Variants in COL28A1 observed in about 807,000 individuals in gnomAD.
The protein encoded by COL28A1 is collagen type XXVIII alpha 1 chain, also known as collagen alpha-1(XXVIII) chain.
Under a neutral mutation model 150.2 loss-of-function variants are expected in COL28A1, and 161 were observed. The observed-to-expected ratio is 1.07, with a 90% CI of 0.94 to 1.22. COL28A1 has a LOEUF of 1.22. COL28A1 is among the 50% of genes most tolerant of loss of function. The pLI is 0.00. For missense variants in COL28A1, 1,617 were observed against 1,388.3 expected, an observed-to-expected ratio of 1.16 and a Z score of -2.62; for synonymous variants, 552 against 469.7, an observed-to-expected ratio of 1.18 and a Z score of -2.26.
At chr7:7,357,531 T>C (rs576752573), downstream of COL28A1, 19 of 152,122 alleles carry the variant, frequency 1.2e-4, no homozygotes, top group African/African-American at 4.6e-4. Context: ...TGGTGGCGCA[T>C]GCTTGTAATC....
At chr7:7,391,227 G>C (rs143389415) in intron 27 of COL28A1, among the ~76,000 whole-genome samples, 6,134 of 152,020 alleles carry the variant, frequency 0.04, 411 homozygotes, top group African/African-American at 0.14. Flanking sequence ...CCTTAATTTC[G>C]TTATTTACCC....
intron 27 of COL28A1, among the ~76,000 whole-genome samples, chr7:7,399,451 T>C (rs1365216421): frequency 1.3e-5 from 2 of 152,178 alleles, no homozygotes; most frequent in Non-Finnish European, 2.9e-5. Context: ...CCTTTCTACC[T>C]TCAGAGTGCC....
chr7:7,432,437 T>C, intron 25 of COL28A1, 36 bp downstream of exon 25: 3 of 1,588,972 alleles, frequency 1.9e-6, no homozygotes, highest in South Asian at 2.2e-5. Flanking sequence ...AGGTGCACTC[T>C]TAGAAGCTAG....
chr7:7,353,348 C>T (rs991758692), downstream of COL28A1, among the ~76,000 whole-genome samples: 8 of 152,210 alleles, frequency 5.3e-5, no homozygotes, highest in African/African-American at 1.9e-4. Flanking sequence ...TCTCTTCAGA[C>T]CTTCAACTTG....
At position 7,388,516 on chromosome 7, in the gene COL28A1, T is replaced by C. The variant is rs184698064; in HGVS notation, c.2137-6904A>G. Among the ~76,000 whole-genome samples, 1,219 of 152,312 alleles carry C rather than the reference T, an allele frequency of 8.0e-3. 25 individuals are homozygous for C. Among genetic ancestry groups the C allele is most frequent in the African/African-American group, 0.028 (1,167 of 41,538 alleles). On this transcript the variant is annotated intron_variant, in intron 27 of 34. Coordinates refer to ENST00000399429, the MANE Select transcript of COL28A1 (RefSeq NM_001037763.3). Reference sequence around the variant, plus strand: ...AGAATGATTTATAATCCCTTGGGTATATACCCAGTAATGGGATTGCTGGGT... The same window carrying C: ...AGAATGATTTATAATCCCTTGGGTACATACCCAGTAATGGGATTGCTGGGT...
At chr7:7,371,237 C>T (rs115610547) in intron 32 of COL28A1, among the ~76,000 whole-genome samples, 3,209 of 152,308 alleles carry the variant, frequency 0.021, 122 homozygotes, top group African/African-American at 0.072. Flanking sequence ...ATATTCTTTA[C>T]AGGCTGTAAC....
chr7:7,412,980 T>C (rs1783870336), intron 27 of COL28A1, among the ~76,000 whole-genome samples: 1 of 152,086 alleles, frequency 6.6e-6, no homozygotes, highest in Non-Finnish European at 1.5e-5. Context: ...CCTCATTCTC[T>C]TTCCCTTACA....
At chr7:7,515,755 T>C (rs1041157163) in intron 8 of COL28A1, 59 bp downstream of exon 8, 2 of 827,880 alleles carry the variant, frequency 2.4e-6, no homozygotes, top group African/African-American at 1.7e-5. Context: ...CTAAGTACAC[T>C]TATGTTTCTG....
chr7:7,485,292 T>C (rs928087634), intron 13 of COL28A1, among the ~76,000 whole-genome samples: 1 of 152,344 alleles, frequency 6.6e-6, no homozygotes, highest in African/African-American at 2.4e-5. Flanking sequence ...ATTTGATATT[T>C]TGCCCAATTT....
chr7:7,521,977 A>T lies in COL28A1; in HGVS notation c.703-16T>A. 3.2e-6 allele frequency: 3 copies of T among 946,412 alleles called. No homozygotes were observed. The South Asian group carries it at 3.9e-5, about 12-fold the overall frequency. 58.6% of individuals were successfully genotyped at this position (946,412 alleles called of 1,614,324 possible). A position where few individuals can be genotyped will look rare whatever the true frequency, so the allele number is the denominator to read the frequency against. On this transcript the variant is annotated splice_polypyrimidine_tract_variant and intron_variant, in intron 4 of 34. Transcript: ENST00000399429. ...TGCGTTCACACTGAATCAATAATGA[A>T]ATATGATATTAACACACAGTGAAAT...
intron 27 of COL28A1, among the ~76,000 whole-genome samples, chr7:7,392,050 G>C (rs2128294557): frequency 1.3e-5 from 2 of 152,236 alleles, no homozygotes; most frequent in South Asian, 4.2e-4. Flanking sequence ...TTGCTCATTA[G>C]TTGATGCAAT....
intron 13 of COL28A1, among the ~76,000 whole-genome samples, chr7:7,483,616 G>T (rs1239785609): frequency 8.5e-5 from 13 of 152,078 alleles, no homozygotes; most frequent in Admixed American, 8.5e-4. Flanking sequence ...GAATGCTTAG[G>T]ATTCACAATT....
chr7:7,374,869 C>G (rs1299126102), intron 31 of COL28A1, among the ~76,000 whole-genome samples: 1 of 152,184 alleles, frequency 6.6e-6, no homozygotes, highest in African/African-American at 2.4e-5. Context: ...AGAAGATTCT[C>G]CCATCATTAT....
In COL28A1 at chr7:7,359,514, C is replaced by T. The variant is rs11978839; in HGVS notation, c.3206-709G>A. 8.8e-3 allele frequency among the ~76,000 whole-genome samples: 1,337 copies of T among 152,212 alleles called. 19 individuals are homozygous for T. Among genetic ancestry groups the T allele is most frequent in the African/African-American group, 0.024 (1,001 of 41,514 alleles). On this transcript the variant is annotated intron_variant, in intron 34 of 34. Coordinates refer to ENST00000399429, the MANE Select transcript of COL28A1 (RefSeq NM_001037763.3). Reference sequence around the variant, plus strand: ...ATGGAACTCCTCATTTGCTAAATCCCTTTTTATTGTTTGGTACTCTGGAGT... The same window carrying T: ...ATGGAACTCCTCATTTGCTAAATCCTTTTTTATTGTTTGGTACTCTGGAGT...
At chr7:7,471,999 A>G (rs564620880) in intron 15 of COL28A1, among the ~76,000 whole-genome samples, 5 of 152,292 alleles carry the variant, frequency 3.3e-5, no homozygotes, top group African/African-American at 9.6e-5. Context: ...TCTCAGCAAA[A>G]TTGGCATACA....
At chr7:7,356,231 C>T (rs1780350039), downstream of COL28A1, 1 of 151,966 alleles carries the variant, frequency 6.6e-6, no homozygotes, top group African/African-American at 2.4e-5. Flanking sequence ...ATAAGCAAGG[C>T]TAAATATTTA....
At position 7,493,038 on chromosome 7, in the gene COL28A1, A is replaced by G. The variant is rs1043037880; in HGVS notation, c.1027-2392T>C. 4.1e-5 allele frequency among the ~76,000 whole-genome samples: 6 copies of G among 146,196 alleles called. No homozygotes were observed. The South Asian group carries it at 1.1e-3, about 26-fold the overall frequency. On this transcript the variant is annotated intron_variant, in intron 11 of 34. Coordinates refer to ENST00000399429, the MANE Select transcript of COL28A1 (RefSeq NM_001037763.3). ...ACAGGTATATATAATGTTATATAAT[A>G]TATATAACATTAATATATAATATAT...
At chr7:7,376,442 T>C (rs1420741319) in intron 30 of COL28A1, among the ~76,000 whole-genome samples, 2 of 152,198 alleles carry the variant, frequency 1.3e-5, no homozygotes, top group African/African-American at 4.8e-5. Context: ...CTTTTTAAAC[T>C]GTAAACTAAG....
intron 6 of COL28A1, among the ~76,000 whole-genome samples, chr7:7,518,325 C>T (rs1241264912): frequency 2.6e-5 from 4 of 152,050 alleles, no homozygotes; most frequent in Admixed American, 1.3e-4. Flanking sequence ...AAAAAGAAGA[C>T]ATGATAGCAT....
Sources: allele counts gnomAD v4.1 joint callset (sites outside exome capture counted in the v4.1 genomes callset), GRCh38; gene constraint gnomAD v4.1.1; transcripts MANE v1.5; gene names NCBI Gene and HGNC (gene_info 2026-07-23, HGNC 2026-07-21).